The following CLIC5 variants were observed in gnomAD, a reference collection of about 807,000 sequenced individuals.
CLIC5 encodes chloride intracellular channel protein 5.
A neutral mutation model predicts 24.7 loss-of-function variants in CLIC5; 20 were observed. The ratio of observed to expected loss-of-function variants is 0.81; its 90% CI spans 0.57 to 1.18. The LOEUF (loss-of-function observed/expected upper bound fraction) is 1.18. Ranked by LOEUF, CLIC5 falls within the 50% of genes most tolerant of loss-of-function variation. The pLI is 0.00. For synonymous variants in CLIC5, 159 were observed against 135.6 expected (o/e 1.17, Z -1.20); for missense variants, 341 against 326.1 (o/e 1.05, Z -0.35).
At chr6:45,926,817 G>T (rs973395316) in intron 4 of CLIC5, among the ~76,000 whole-genome samples, 4 of 152,220 alleles carry the variant, frequency 2.6e-5, no homozygotes, top group Non-Finnish European at 5.9e-5. Flanking sequence ...CTAGTGAGGA[G>T]AGCTGCTCAG....
In CLIC5 at chr6:45,949,191, A is replaced by G. The variant is rs969951707; in HGVS notation, c.299+65T>C. On this transcript the variant is annotated intron_variant, in intron 3 of 5. Transcript: ENST00000339561. ...AATGCATCTGCCCGAAGTTAACACC[A>G]GGACTTTATAGATCCAGCATGAACC... is the stretch of plus-strand genomic sequence containing the variant. 6.3e-5 allele frequency: 98 copies of G among 1,552,426 alleles called. 2 individuals are homozygous for G. In the South Asian group the frequency reaches 1.1e-3, roughly 18 times the overall value.
downstream of CLIC5, among the ~76,000 whole-genome samples, chr6:45,893,638 A>G (rs929717798): frequency 3.9e-5 from 6 of 152,184 alleles, no homozygotes; most frequent in Non-Finnish European, 8.8e-5. Flanking sequence ...CTGAAGGCCA[A>G]GAGCTCAATG....
intron 1 of CLIC5, among the ~76,000 whole-genome samples, chr6:46,076,711 G>A (rs1282575025): frequency 6.6e-6 from 1 of 152,126 alleles, no homozygotes; most frequent in African/African-American, 2.4e-5. Flanking sequence ...CTAAGTTTTA[G>A]GTAATTTGTT....
Position 46,030,559 on chromosome 6 carries a change from GACTGCA to G in CLIC5, c.540+49138_540+49143del, listed in dbSNP as rs1441692359. 4.8e-4 allele frequency among the ~76,000 whole-genome samples: 73 copies of G among 152,228 alleles called. 2 individuals carry two copies. In the East Asian group the frequency reaches 0.014, roughly 29 times the overall value. Reference sequence around the variant, plus strand: ...CAAAACCCTTTAGTGGCTCGGCATGGACTGCACTCCCCAGAATGATGTACTAGGTTG... The same window carrying G: ...CAAAACCCTTTAGTGGCTCGGCATGGCTCCCCAGAATGATGTACTAGGTTG... On this transcript the variant is annotated intron_variant, in intron 1 of 5. Transcript: ENST00000185206.
chr6:46,074,885 A>G (rs1028414515), intron 1 of CLIC5, among the ~76,000 whole-genome samples: 2 of 152,244 alleles, frequency 1.3e-5, no homozygotes, highest in Admixed American at 6.5e-5. Flanking sequence ...CATTTTATGC[A>G]AAAGTATTGA....
At chr6:46,100,090 C>T in the CLIC5 span, among the ~76,000 whole-genome samples, 1 of 151,962 alleles carries the variant, frequency 6.6e-6, no homozygotes, top group African/African-American at 2.4e-5. Flanking sequence ...AGTTTTAGTT[C>T]TGCAAAGATG....
At chr6:46,083,843 T>C (rs1379547057), upstream of CLIC5, among the ~76,000 whole-genome samples, 1 of 134,340 alleles carries the variant, frequency 7.4e-6, no homozygotes, top group Non-Finnish European at 1.7e-5. Flanking sequence ...TAACTTTCTG[T>C]CTCGTTGATC....
intron 1 of CLIC5, among the ~76,000 whole-genome samples, chr6:46,045,764 T>A (rs1042014428): frequency 9.2e-5 from 14 of 152,308 alleles, no homozygotes; most frequent in African/African-American, 3.4e-4. Context: ...AAATATTTTT[T>A]ATTTTTTATA....
chr6:45,911,907 G>A (rs967079531), intron 5 of CLIC5: 51 of 985,434 alleles, frequency 5.2e-5, no homozygotes, highest in Non-Finnish European at 5.7e-5. Context: ...AGAACTAGGA[G>A]GGGGCCAGAC....
At chr6:46,071,468 A>G (rs1351204973) in intron 1 of CLIC5, among the ~76,000 whole-genome samples, 1 of 152,214 alleles carries the variant, frequency 6.6e-6, no homozygotes. Flanking sequence ...ACATGGGGCC[A>G]ACAACCATAT....
intron 1 of CLIC5, among the ~76,000 whole-genome samples, chr6:46,050,128 T>G (rs1248391905): frequency 2.0e-5 from 3 of 152,204 alleles, no homozygotes; most frequent in Non-Finnish European, 4.4e-5. Flanking sequence ...GGGCTGTTTA[T>G]TCACTTGTCC....
intron 1 of CLIC5, among the ~76,000 whole-genome samples, chr6:45,971,244 G>C (rs1765190591): frequency 6.6e-6 from 1 of 152,196 alleles, no homozygotes; most frequent in Admixed American, 6.5e-5. Context: ...TGCATTTCCA[G>C]TTCTAGCAGA....
At chr6:45,903,326 G>A (rs551334536) in intron 5 of CLIC5, 71 bp from the exon 6 acceptor site, 37 of 1,423,860 alleles carry the variant, frequency 2.6e-5, no homozygotes, top group African/African-American at 7.2e-5. Context: ...GTTAGTGGCC[G>A]TCCCAGTGTG....
At chr6:45,882,720 C>T (rs1218179055) in intron 6 of CLIC5, among the ~76,000 whole-genome samples, 3 of 152,198 alleles carry the variant, frequency 2.0e-5, no homozygotes, top group Admixed American at 2.0e-4. Flanking sequence ...AAAACATTTT[C>T]CTCTTTAGTG....
chr6:45,887,233 T>G (rs1762312255), intron 6 of CLIC5, among the ~76,000 whole-genome samples: 1 of 152,304 alleles, frequency 6.6e-6, no homozygotes, highest in Admixed American at 6.5e-5. Flanking sequence ...TTTATTCCAT[T>G]TATTCTCTTG....
chr6:45,925,050 G>A (rs1763425092), intron 4 of CLIC5, among the ~76,000 whole-genome samples: 3 of 152,130 alleles, frequency 2.0e-5, no homozygotes, highest in African/African-American at 2.4e-5. Flanking sequence ...CTCAATTCTC[G>A]ACTTCTTTCA....
chr6:45,919,153 C>G lies in CLIC5; in HGVS notation c.407-4744G>C, dbSNP rs1035293369. ...CTGATGTAATCATCTAAATAGTCCC[C>G]CTAGAGAATTCTGTCTCTTTGCATT... is the stretch of plus-strand genomic sequence containing the variant. On this transcript the variant is annotated intron_variant, in intron 4 of 5. Coordinates refer to ENST00000339561, the MANE Select transcript of CLIC5 (RefSeq NM_016929.5). The G allele has an allele frequency of 1.0e-5, 10 of 961,580 alleles. No homozygotes were observed. The East Asian group carries it at 9.2e-4, about 88-fold the overall frequency. The allele number at this position is 961,580 out of a possible 1,614,324, so 59.6% of individuals were successfully genotyped here.
At chr6:45,908,008 T>C (rs1189234761) in intron 5 of CLIC5, among the ~76,000 whole-genome samples, 1 of 152,196 alleles carries the variant, frequency 6.6e-6, no homozygotes, top group African/African-American at 2.4e-5. Context: ...GAAAAGTGTA[T>C]TTCTAGGAAT....
intron 1 of CLIC5, among the ~76,000 whole-genome samples, chr6:46,061,223 C>T (rs1427358825): frequency 1.3e-5 from 2 of 151,990 alleles, no homozygotes; most frequent in Non-Finnish European, 2.9e-5. Context: ...CGGAGTCTTG[C>T]TCTGTCACCA....
Sources: allele counts gnomAD v4.1 joint callset (sites outside exome capture counted in the v4.1 genomes callset), GRCh38; gene constraint gnomAD v4.1.1; transcripts MANE v1.5; gene names NCBI Gene and HGNC (gene_info 2026-07-23, HGNC 2026-07-21).